NPHP3: variants seen among roughly 807,000 people sequenced by gnomAD.
The protein encoded by NPHP3 is nephrocystin-3.
NPHP3 carries 123 observed loss-of-function variants against 171.9 expected under a neutral mutation model. The ratio of observed to expected loss-of-function variants is 0.72; its 90% CI spans 0.62 to 0.83. NPHP3 has a LOEUF of 0.83. Ranked by LOEUF, NPHP3 falls within the 40% of genes least tolerant of loss-of-function variation. NPHP3 has a pLI of 0.00. For missense variants in NPHP3, 1,506 were observed against 1,591.9 expected, an observed-to-expected ratio of 0.95 and a Z score of 0.92; for synonymous variants, 558 against 579.2, an observed-to-expected ratio of 0.96 and a Z score of 0.52.
chr3:132,702,339 A>T (rs1000515512), intron 9 of NPHP3, among the ~76,000 whole-genome samples: 25 of 152,112 alleles, frequency 1.6e-4, no homozygotes, highest in Non-Finnish European at 1.5e-4. Flanking sequence ...GGGGACTTGG[A>T]GTCTCCCAAT....
chr3:132,694,750 A>G, intron 16 of NPHP3, 77 bp downstream of exon 16: 1 of 1,546,210 alleles, frequency 6.5e-7, no homozygotes, highest in South Asian at 1.1e-5. Flanking sequence ...CAAATTTTAA[A>G]AGAATTGTTA....
At position 132,705,784 on chromosome 3, in the gene NPHP3, C is replaced by T; in HGVS notation, c.1306G>A (p.Gly436Arg). 6.6e-7 allele frequency: 1 copy of T among 1,510,124 alleles called. No individual in the cohort carries two copies. Among genetic ancestry groups the T allele is most frequent in the Non-Finnish European group, 9.2e-7 (1 of 1,086,770 alleles). 93.5% of individuals were successfully genotyped at this position (1,510,124 alleles called of 1,614,324 possible). A position where few individuals can be genotyped will look rare whatever the true frequency, so the allele number is the denominator to read the frequency against. Reference protein sequence around the residue: ...IIDHSGDPAEGVYKTYICVEK... With the variant: ...IIDHSGDPAERVYKTYICVEK... ...ACACAAATATAAGTTTTATATACTC[C>T]TTCTGCAGGATCTCCTGAGTGATCA... Residue 436 changes from glycine (G) to arginine (R), a missense_variant, in exon 8 of 27, where the codon GGA becomes AGA. Gly to Arg is a moderately radical substitution (Grantham distance 125, BLOSUM62 -2). This residue lies in a region of NPHP3 where 930 missense variants were observed against 924.9 expected (regional missense o/e 1.01). Transcript: ENST00000337331.
intron 22 of NPHP3, 124 bp downstream of exon 22, chr3:132,687,027 A>T: frequency 1.6e-6 from 1 of 613,350 alleles, no homozygotes; most frequent in Non-Finnish European, 2.9e-6. Context: ...AATGTTAAGT[A>T]GTTCTCTTCT....
At position 132,688,905 on chromosome 3, in the gene NPHP3, G is replaced by A; in HGVS notation, c.2884-14C>T. 1.9e-6 allele frequency: 3 copies of A among 1,614,020 alleles called. No homozygotes were observed. The highest frequency in any genetic ancestry group is 1.7e-5 in the Admixed American group (1 of 60,002). On this transcript the variant is annotated splice_polypyrimidine_tract_variant and intron_variant, in intron 20 of 26. Coordinates refer to ENST00000337331, the MANE Select transcript of NPHP3 (RefSeq NM_153240.5). ...AGGTACTATGGCCTGGGGGGAAAAG[G>A]GGTGAAAGGCCAGTTAAAGTGAGTG...
Position 132,713,287 on chromosome 3 carries a change from C to A in NPHP3, c.958-1G>T. On this transcript the variant is annotated splice_acceptor_variant, in intron 5 of 26. Coordinates refer to ENST00000337331, the MANE Select transcript of NPHP3 (RefSeq NM_153240.5). LOFTEE classifies it high-confidence loss of function. Reference sequence around the variant, plus strand: ...TTCTCTTAAGTTTAGGTGAATAGTCCTAAAAACAAATGAAAACATACAAAA... The same window carrying A: ...TTCTCTTAAGTTTAGGTGAATAGTCATAAAAACAAATGAAAACATACAAAA... 1 of 1,584,986 alleles carries A rather than the reference C, an allele frequency of 6.3e-7. No individual in the cohort carries two copies. Among genetic ancestry groups the A allele is most frequent in the South Asian group, 1.2e-5 (1 of 86,400 alleles).
At chr3:132,695,963 T>C (rs981625193) in intron 15 of NPHP3, among the ~76,000 whole-genome samples, 2 of 152,092 alleles carry the variant, frequency 1.3e-5, no homozygotes, top group African/African-American at 4.8e-5. Flanking sequence ...TGAAATATCA[T>C]GGGCAATGTA....
intron 9 of NPHP3, among the ~76,000 whole-genome samples, chr3:132,702,700 C>T (rs372431758): frequency 1.3e-5 from 2 of 152,144 alleles, no homozygotes; most frequent in Non-Finnish European, 2.9e-5. Flanking sequence ...GTTTTTCAAT[C>T]AATTTTTCTA....
intron 16 of NPHP3, among the ~76,000 whole-genome samples, chr3:132,694,623 G>A (rs894808291): frequency 1.3e-5 from 2 of 152,110 alleles, no homozygotes; most frequent in Non-Finnish European, 2.9e-5. Flanking sequence ...CAGAAAAAAA[G>A]GATAGCCAAT....
At chr3:132,682,349 G>C in intron 26 of NPHP3, 1 of 559,212 alleles carries the variant, frequency 1.8e-6, no homozygotes, top group South Asian at 2.1e-5. Flanking sequence ...GCAAAGTTAG[G>C]TATTCTCTGC....
chr3:132,690,750 T>G (rs985370757), intron 18 of NPHP3, 100 bp from the exon 19 acceptor site: 4 of 1,176,022 alleles, frequency 3.4e-6, no homozygotes, highest in Non-Finnish European at 5.0e-6. Context: ...ATTTAACATA[T>G]ATCTCTGATT....
Position 132,692,641 on chromosome 3 carries a change from A to G in NPHP3, c.2475+13T>C. The G allele has an allele frequency of 6.2e-7, 1 of 1,612,084 alleles. No homozygotes were observed. Among genetic ancestry groups the G allele is most frequent in the Non-Finnish European group, 8.5e-7 (1 of 1,178,264 alleles). On this transcript the variant is annotated intron_variant, in intron 17 of 26. Transcript: ENST00000337331. ...TAAATAAATAAATAAAAAGATGCCT[A>G]AAATAACATTACCTGCAGATGTTGA...
chr3:132,690,575 C>A lies in NPHP3; in HGVS notation c.2646G>T (p.Leu882=). The change falls in exon 19 of 27, where the codon CTG becomes CTT. Residue 882 remains leucine (L), a synonymous_variant. Transcript: ENST00000337331. ...CAAAGAGATTAAGAAGGCAATCATG[C>A]AGCTTCTGTTTACTTCCCTGCTGCT... ...LFQQQGSKQK[L]HDCLLNLFVS... 1 of 1,613,512 alleles carries A rather than the reference C, an allele frequency of 6.2e-7. No homozygotes were observed. Among genetic ancestry groups the A allele is most frequent in the Non-Finnish European group, 8.5e-7 (1 of 1,179,514 alleles).
intron 10 of NPHP3, 47 bp from the exon 11 acceptor site, chr3:132,700,495 ACTGTC>A: frequency 8.6e-7 from 1 of 1,162,826 alleles, no homozygotes; most frequent in Admixed American, 1.9e-5. Flanking sequence ...AAGTTCCTTG[ACTGTC>A]AATAAAAAAA....
Position 132,690,295 on chromosome 3 carries a change from T to C in NPHP3, c.2693+233A>G, listed in dbSNP as rs148943799. 4.0e-3 allele frequency among the ~76,000 whole-genome samples: 614 copies of C among 152,300 alleles called. 6 individuals carry two copies. The highest frequency in any genetic ancestry group is 0.014 in the African/African-American group (580 of 41,564). On this transcript the variant is annotated intron_variant, in intron 19 of 26. Coordinates refer to ENST00000337331, the MANE Select transcript of NPHP3 (RefSeq NM_153240.5). ...TTAAATGTAAGCATAAGATAAAAAG[T>C]TGAACCGAAATCATTCCAGCTCTGA...
intron 4 of NPHP3, among the ~76,000 whole-genome samples, chr3:132,716,172 C>A (rs974285395): frequency 6.6e-6 from 1 of 152,164 alleles, no homozygotes. Context: ...AGATTGGATA[C>A]CCCTGCTTTA....
rs748085132 is a variant in NPHP3, at chr3:132,688,699, T to C, written c.3076A>G (p.Thr1026Ala). 6.2e-7 allele frequency: 1 copy of C among 1,614,154 alleles called. No homozygotes were observed. Among genetic ancestry groups the C allele is most frequent in the Non-Finnish European group, 8.5e-7 (1 of 1,179,972 alleles). ...ENAYGADHPY[T>A]ARELEALATL... Reference sequence around the variant, plus strand: ...GCAAGTGCTTCAAGTTCACGAGCAGTATATGGATGGTCCGCACCATAAGCA... The same window carrying C: ...GCAAGTGCTTCAAGTTCACGAGCAGCATATGGATGGTCCGCACCATAAGCA... The change falls in exon 21 of 27, where the codon ACT becomes GCT. Residue 1026 changes from threonine (T) to alanine (A), a missense_variant. This residue lies in a region of NPHP3 where 569 missense variants were observed against 648.1 expected (regional missense o/e 0.88). Coordinates refer to ENST00000337331, the MANE Select transcript of NPHP3 (RefSeq NM_153240.5).
intron 10 of NPHP3, among the ~76,000 whole-genome samples, chr3:132,701,113 C>T (rs1010037193): frequency 4.6e-5 from 7 of 151,868 alleles, no homozygotes; most frequent in African/African-American, 1.7e-4. Flanking sequence ...AGGCACATTA[C>T]AATCCACTTA....
chr3:132,715,416 G>C (rs1251736470), intron 4 of NPHP3, among the ~76,000 whole-genome samples, 198 bp from the exon 5 acceptor site: 1 of 152,204 alleles, frequency 6.6e-6, no homozygotes, highest in Non-Finnish European at 1.5e-5. Context: ...TTGAAGCAAT[G>C]AATGTCACCA....
In NPHP3 at chr3:132,722,220, G is replaced by T; in HGVS notation, c.136C>A (p.Arg46Ser). 1 of 1,540,342 alleles carries T rather than the reference G, an allele frequency of 6.5e-7. No homozygotes were observed. Among genetic ancestry groups the T allele is most frequent in the Non-Finnish European group, 8.7e-7 (1 of 1,154,154 alleles). Reference sequence around the variant, plus strand: ...CCTGCTGCCGCCCCCGCGCCTCGGCGGAACGAGTTGCGCAGCAGGCGGGCC... The same window carrying T: ...CCTGCTGCCGCCCCCGCGCCTCGGCTGAACGAGTTGCGCAGCAGGCGGGCC... The part of the protein sequence containing the change: ...PKARLLRNSF[R>S]RGAGAAAGAG... The change falls in exon 1 of 27, where the codon CGC becomes AGC. Residue 46 changes from arginine (R) to serine (S), a missense_variant. This residue lies in a region of NPHP3 where 930 missense variants were observed against 924.9 expected (regional missense o/e 1.01). Coordinates refer to ENST00000337331, the MANE Select transcript of NPHP3 (RefSeq NM_153240.5).
Sources: gnomAD v4.1 joint callset for allele counts (sites outside exome capture counted in the v4.1 genomes callset) on GRCh38, gnomAD v4.1.1 for gene constraint, gnomAD v4.1.1 regional missense constraint, MANE v1.5 for transcripts, NCBI Gene and HGNC (gene_info 2026-07-23, HGNC 2026-07-21) for gene names.